Variants in DCAF6 observed in about 807,000 individuals in gnomAD.
The protein encoded by DCAF6 is DDB1 and CUL4 associated factor 6.
In DCAF6, 54 loss-of-function variants were observed where a neutral mutation model predicts 125.1. The observed-to-expected ratio is 0.43, with a 90% confidence interval of 0.35 to 0.54. The LOEUF (loss-of-function observed/expected upper bound fraction) is 0.54. DCAF6 is among the 20% of genes least tolerant of loss of function. The pLI is 0.01. For synonymous variants in DCAF6, 371 were observed against 390.4 expected (o/e 0.95, Z 0.58); for missense variants, 934 against 1,161.7 (o/e 0.80, Z 2.85).
chr1:167,864,577 G>A, the DCAF6 span, among the ~76,000 whole-genome samples: 1 of 151,814 alleles, frequency 6.6e-6, no homozygotes, highest in Non-Finnish European at 1.5e-5. Flanking sequence ...GAGGCAAAAG[G>A]AAAGTCAAAG....
chr1:167,887,397 G>C, the DCAF6 span, among the ~76,000 whole-genome samples: 1 of 152,170 alleles, frequency 6.6e-6, no homozygotes, highest in Non-Finnish European at 1.5e-5. Flanking sequence ...CCTTTGTAGG[G>C]ACATGGATGA....
chr1:167,951,697 CA>C, intron 1 of DCAF6, 102 bp from the exon 2 acceptor site: 1 of 712,780 alleles, frequency 1.4e-6, no homozygotes, highest in Admixed American at 2.5e-5. Context: ...GAAATTAGAG[CA>C]TGAATTTACT....
intron 11 of DCAF6, among the ~76,000 whole-genome samples, chr1:168,017,263 T>C (rs1685107365): frequency 6.6e-6 from 1 of 151,634 alleles, no homozygotes; most frequent in Non-Finnish European, 1.5e-5. Context: ...CTAGCAAACA[T>C]GTTTTGAAGG....
chr1:168,068,460 G>C lies in DCAF6; in HGVS notation c.2788G>C (p.Ala930Pro), dbSNP rs777149256. The change falls in exon 21 of 22, where the codon GCT (alanine) becomes CCT (proline). Residue 930 changes from alanine to proline, a missense_variant. Coordinates refer to ENST00000367840, the MANE Select transcript of DCAF6 (RefSeq NM_001198956.2). Reference sequence around the variant, plus strand: ...GTTGGCTTCACTTAATCATATCCGAGCTGGTAGGAACTTTAAGTATACTAC... The same window carrying C: ...GTTGGCTTCACTTAATCATATCCGACCTGGTAGGAACTTTAAGTATACTAC... Reference protein sequence around the residue: ...RMLASLNHIRADRLEGDRSEG... With the variant: ...RMLASLNHIRPDRLEGDRSEG... The C allele has an allele frequency of 6.7e-7, 1 of 1,487,372 alleles. No individual in the cohort carries two copies. The highest frequency in any genetic ancestry group is 2.2e-5 in the Admixed American group (1 of 46,192). The allele number at this position is 1,487,372 out of a possible 1,614,324, so 92.1% of individuals were successfully genotyped here.
intron 3 of DCAF6, among the ~76,000 whole-genome samples, chr1:167,969,979 G>A (rs1374338499): frequency 2.6e-5 from 4 of 152,156 alleles, no homozygotes; most frequent in African/African-American, 9.7e-5. Flanking sequence ...GTTTCACCAT[G>A]TTGGCCAGGC....
intron 17 of DCAF6, among the ~76,000 whole-genome samples, chr1:168,054,271 C>T (rs963895468): frequency 3.9e-5 from 6 of 152,152 alleles, no homozygotes; most frequent in African/African-American, 1.2e-4. Flanking sequence ...CACAATGGTA[C>T]AAGCCTTCTT....
chr1:168,036,937 G>A (rs1036027035), intron 12 of DCAF6, among the ~76,000 whole-genome samples: 1 of 152,126 alleles, frequency 6.6e-6, no homozygotes, highest in Admixed American at 6.5e-5. Flanking sequence ...TGTAGGACAG[G>A]ATTTTTCATG....
intron 2 of DCAF6, among the ~76,000 whole-genome samples, chr1:167,955,726 T>C (rs1227747764): frequency 2.0e-5 from 3 of 152,136 alleles, no homozygotes; most frequent in African/African-American, 7.2e-5. Context: ...TATTATAAGA[T>C]TGAATAGAAG....
intron 6 of DCAF6, 113 bp from the exon 7 acceptor site, chr1:167,993,113 T>C: frequency 2.1e-6 from 2 of 935,298 alleles, no homozygotes; most frequent in Non-Finnish European, 3.1e-6. Context: ...ACGTGATGGC[T>C]TTTATTTGTA....
the DCAF6 span, among the ~76,000 whole-genome samples, chr1:167,895,103 AC>A: frequency 2.5e-3 from 373 of 147,860 alleles, 2 homozygotes; most frequent in African/African-American, 9.1e-3. Flanking sequence ...AATCGCTTGA[AC>A]CCGGGAGGCA....
chr1:168,036,636 C>T (rs555901500), intron 12 of DCAF6, among the ~76,000 whole-genome samples: 1 of 152,264 alleles, frequency 6.6e-6, no homozygotes, highest in East Asian at 1.9e-4. Context: ...AAATGACTAG[C>T]AAACAGCAAG....
chr1:167,992,906 G>A (rs1190590407), intron 6 of DCAF6, among the ~76,000 whole-genome samples: 9 of 152,030 alleles, frequency 5.9e-5, no homozygotes, highest in African/African-American at 1.9e-4. Context: ...TAATTTGGGG[G>A]GAACTTTTGG....
intron 10 of DCAF6, among the ~76,000 whole-genome samples, chr1:168,006,987 A>G (rs966276841): frequency 2.1e-4 from 32 of 152,354 alleles, no homozygotes; most frequent in African/African-American, 7.7e-4. Flanking sequence ...AACACTGTGC[A>G]TCAGAGCAGC....
At chr1:168,047,403 C>CT (rs1461306508) in intron 16 of DCAF6, among the ~76,000 whole-genome samples, 3 of 152,204 alleles carry the variant, frequency 2.0e-5, no homozygotes, top group South Asian at 2.1e-4. Context: ...TGAATTCATA[C>CT]TTTCATGGTT....
intron 5 of DCAF6, among the ~76,000 whole-genome samples, chr1:167,989,572 G>T (rs1254998978): frequency 6.6e-6 from 1 of 152,148 alleles, no homozygotes; most frequent in Non-Finnish European, 1.5e-5. Context: ...AAAGTATAAG[G>T]TTAAATTGAC....
intron 1 of DCAF6, among the ~76,000 whole-genome samples, chr1:167,937,516 T>C (rs1402102197): frequency 6.6e-6 from 1 of 152,096 alleles, no homozygotes; most frequent in Non-Finnish European, 1.5e-5. Context: ...TTTGCGGCGC[T>C]GAGCCAAAAC....
chr1:167,866,478 C>T, the DCAF6 span, among the ~76,000 whole-genome samples: 1 of 146,446 alleles, frequency 6.8e-6, no homozygotes, highest in African/African-American at 2.5e-5. Context: ...AAACTCAGGT[C>T]GGCCCCAGCC....
At chr1:167,907,496 C>T in the DCAF6 span, among the ~76,000 whole-genome samples, 2 of 152,148 alleles carry the variant, frequency 1.3e-5, no homozygotes, top group African/African-American at 2.4e-5. Context: ...GTGGAGTATA[C>T]TCATTCTACT....
At chr1:167,869,243 C>G in the DCAF6 span, among the ~76,000 whole-genome samples, 6,057 of 152,226 alleles carry the variant, frequency 0.04, 398 homozygotes, top group East Asian at 0.27. Flanking sequence ...TTACTGCTCC[C>G]TTGCTTGCTG....
Sources: gnomAD v4.1 joint callset for allele counts (sites outside exome capture counted in the v4.1 genomes callset) on GRCh38, gnomAD v4.1.1 for gene constraint, MANE v1.5 for transcripts, NCBI Gene and HGNC (gene_info 2026-07-23, HGNC 2026-07-21) for gene names.